ITGA9: variants seen among roughly 807,000 people sequenced by gnomAD.
ITGA9 encodes integrin subunit alpha 9.
A neutral mutation model predicts 127.8 loss-of-function variants in ITGA9; 56 were observed. The ratio of observed to expected loss-of-function variants is 0.44; its 90% CI spans 0.35 to 0.55. The LOEUF is 0.55. Ranked by LOEUF, ITGA9 falls within the 20% of genes least tolerant of loss-of-function variation. ITGA9 has a pLI of 0.00. For synonymous variants in ITGA9, 508 were observed against 514.5 expected (o/e 0.99, Z 0.17); for missense variants, 1,196 against 1,347.1 (o/e 0.89, Z 1.76).
chr3:37,510,785 C>T (rs1698896860), intron 8 of ITGA9, among the ~76,000 whole-genome samples: 1 of 152,146 alleles, frequency 6.6e-6, no homozygotes, highest in South Asian at 2.1e-4. Context: ...TCTTCTGGCC[C>T]TAACCTTTGC....
chr3:37,475,930 T>C (rs534872286), intron 3 of ITGA9, among the ~76,000 whole-genome samples: 7 of 152,372 alleles, frequency 4.6e-5, no homozygotes, highest in African/African-American at 1.7e-4. Flanking sequence ...TTAGATCTTA[T>C]GTGAGTGGAG....
intron 16 of ITGA9, among the ~76,000 whole-genome samples, chr3:37,636,239 G>A (rs1369597699): frequency 6.6e-6 from 1 of 152,154 alleles, no homozygotes; most frequent in African/African-American, 2.4e-5. Flanking sequence ...CTAGTTGACA[G>A]TCCCACCAAC....
At position 37,807,140 on chromosome 3, in the gene ITGA9, GGCA is replaced by G. The variant is rs1327719949; in HGVS notation, c.3009+3202_3009+3204del. On this transcript the variant is annotated intron_variant, in intron 27 of 27. Coordinates refer to ENST00000264741, the MANE Select transcript of ITGA9 (RefSeq NM_002207.3). ...AGCAGCTTTCAGGCTGACAGCTGTG[GGCA>G]GCAATCCTGACTCTCACACTTGCCT... is the stretch of plus-strand genomic sequence containing the variant. 2.6e-5 allele frequency: 4 copies of G among 152,300 alleles called. No homozygotes were observed. The East Asian group carries it at 7.7e-4, about 30-fold the overall frequency. The allele number at this position is 152,300 out of a possible 1,614,324, so 9.4% of individuals were successfully genotyped here.
Position 37,512,024 on chromosome 3 carries a change from T to TTTTCTTCC in ITGA9, c.898-1733_898-1732insCCTTTCTT, listed in dbSNP as rs1698917729. 1.9e-4 allele frequency among the ~76,000 whole-genome samples: 6 copies of TTTTCTTCC among 31,998 alleles called. 1 individual carries two copies. Among genetic ancestry groups the TTTTCTTCC allele is most frequent in the African/African-American group, 5.9e-4 (6 of 10,106 alleles). The allele number at this position is 31,998 out of a possible 152,430, so 21.0% of individuals were successfully genotyped here. ...TTTTCTTTTCTTTTCTTTTCTTTTC[T>TTTTCTTCC]TTTCTTTCTTTCTTTCTTTCTTTCT... On this transcript the variant is annotated intron_variant, in intron 8 of 27. Transcript: ENST00000264741.
intron 1 of ITGA9, among the ~76,000 whole-genome samples, chr3:37,466,389 CAA>C (rs559302192): frequency 5.7e-5 from 8 of 139,780 alleles, no homozygotes; most frequent in Admixed American, 3.9e-4. Context: ...GAGGCTGAGA[CAA>C]GAGAATTGCT....
chr3:37,720,897 T>A (rs1470173478), intron 18 of ITGA9, among the ~76,000 whole-genome samples: 1 of 152,224 alleles, frequency 6.6e-6, no homozygotes, highest in African/African-American at 2.4e-5. Flanking sequence ...TTCAAGTGCT[T>A]TTGAATTTGT....
intron 3 of ITGA9, among the ~76,000 whole-genome samples, chr3:37,479,879 C>G (rs1413908797): frequency 6.6e-6 from 1 of 152,156 alleles, no homozygotes; most frequent in Non-Finnish European, 1.5e-5. Context: ...CTAAAGACAC[C>G]TCTGCTCACC....
At chr3:37,535,980 A>C (rs1190763889) in intron 14 of ITGA9, among the ~76,000 whole-genome samples, 1 of 152,078 alleles carries the variant, frequency 6.6e-6, no homozygotes, top group Non-Finnish European at 1.5e-5. Flanking sequence ...ATGTGATAGG[A>C]AATGAGGTGG....
intron 26 of ITGA9, among the ~76,000 whole-genome samples, chr3:37,798,604 GTAAAGTTACCTAT>G (rs1324752134): frequency 6.6e-6 from 1 of 152,152 alleles, no homozygotes; most frequent in Admixed American, 6.6e-5. Context: ...CCCAAATTCT[GTAAAGTTACCTAT>G]TAACTTACGG....
At chr3:37,637,968 C>T (rs1015679514) in intron 16 of ITGA9, among the ~76,000 whole-genome samples, 26 of 152,112 alleles carry the variant, frequency 1.7e-4, no homozygotes, top group African/African-American at 4.1e-4. Context: ...CCACCGTGCC[C>T]GGCCAGCAAT....
chr3:37,782,942 A>C (rs920584953), intron 25 of ITGA9, among the ~76,000 whole-genome samples: 82 of 152,338 alleles, frequency 5.4e-4, no homozygotes, highest in African/African-American at 1.3e-3. Context: ...ATTCAAGACC[A>C]GCCTGGCCAA....
chr3:37,589,949 T>C (rs1053892784), intron 15 of ITGA9, among the ~76,000 whole-genome samples: 8 of 152,136 alleles, frequency 5.3e-5, no homozygotes, highest in Admixed American at 2.6e-4. Context: ...CTGTTAGTCC[T>C]CCCTGACTTC....
intron 27 of ITGA9, among the ~76,000 whole-genome samples, chr3:37,816,382 A>C (rs1697432697): frequency 6.6e-6 from 1 of 152,222 alleles, no homozygotes; most frequent in Admixed American, 6.5e-5. Context: ...TTACAACATC[A>C]GCAGCCAAAG....
At chr3:37,653,652 C>A (rs1700449658) in intron 16 of ITGA9, 62 bp from the exon 17 acceptor site, 4 of 1,166,926 alleles carry the variant, frequency 3.4e-6, no homozygotes, top group Non-Finnish European at 3.9e-6. Context: ...AAGGAATTGG[C>A]CACTGTGTAC....
intron 23 of ITGA9, among the ~76,000 whole-genome samples, chr3:37,758,862 C>G (rs1359500380): frequency 2.0e-5 from 3 of 152,030 alleles, no homozygotes; most frequent in Non-Finnish European, 4.4e-5. Context: ...AGAGCTGAAG[C>G]TGACTGTAAA....
intron 14 of ITGA9, among the ~76,000 whole-genome samples, chr3:37,535,099 C>T (rs142389039): frequency 2.4e-3 from 365 of 152,298 alleles, no homozygotes; most frequent in Middle Eastern, 6.8e-3. Flanking sequence ...AAAGGGCAAA[C>T]GAGTAATAGT....
At chr3:37,507,719 G>A (rs889247760) in intron 7 of ITGA9, among the ~76,000 whole-genome samples, 3 of 152,046 alleles carry the variant, frequency 2.0e-5, no homozygotes, top group Admixed American at 6.6e-5. Context: ...CAGGGATTGG[G>A]GCTAGTACAG....
intron 20 of ITGA9, among the ~76,000 whole-genome samples, chr3:37,738,100 C>T (rs888979070): frequency 2.0e-5 from 3 of 152,160 alleles, no homozygotes; most frequent in East Asian, 1.9e-4. Flanking sequence ...TCTTTTTAGC[C>T]GCTTCTTTTT....
chr3:37,706,122 G>A (rs909617966), intron 18 of ITGA9, among the ~76,000 whole-genome samples: 1 of 152,148 alleles, frequency 6.6e-6, no homozygotes, highest in Admixed American at 6.5e-5. Flanking sequence ...GCAGAGTGAG[G>A]ACCCAGGCAA....
Sources: gnomAD v4.1 joint callset for allele counts (sites outside exome capture counted in the v4.1 genomes callset) on GRCh38, gnomAD v4.1.1 for gene constraint, MANE v1.5 for transcripts, NCBI Gene and HGNC (gene_info 2026-07-23, HGNC 2026-07-21) for gene names.